PDZRN4: variants seen among roughly 807,000 people sequenced by gnomAD.
PDZRN4 encodes PDZ domain containing ring finger 4.
PDZRN4 carries 70 observed loss-of-function variants against 99.0 expected under a neutral mutation model. The ratio of observed to expected loss-of-function variants is 0.71; its 90% CI spans 0.58 to 0.86. The LOEUF is 0.86. Ranked by LOEUF, PDZRN4 falls within the 40% of genes least tolerant of loss-of-function variation. The pLI is 0.00. For synonymous variants in PDZRN4, 551 were observed against 501.6 expected (o/e 1.10, Z -1.32); for missense variants, 1,474 against 1,331.2 (o/e 1.11, Z -1.67).
intron 5 of PDZRN4, among the ~76,000 whole-genome samples, chr12:41,530,184 A>G (rs1938637700): frequency 6.6e-6 from 1 of 152,226 alleles, no homozygotes; most frequent in South Asian, 2.1e-4. Flanking sequence ...AATGCCGTCT[A>G]CCCAACGCTC....
intron 3 of PDZRN4, among the ~76,000 whole-genome samples, chr12:41,279,116 C>T (rs961517106): frequency 6.6e-6 from 1 of 152,106 alleles, no homozygotes; most frequent in East Asian, 1.9e-4. Context: ...ACGCAGGGTT[C>T]GGGTATACAG....
rs545361165 is a variant in PDZRN4, at chr12:41,269,972, C to T, written c.843+75784C>T. On this transcript the variant is annotated intron_variant, in intron 3 of 9. Transcript: ENST00000402685. ...CCATATAAGATGAAATGTCTCTCCC[C>T]CTACCTCTCTCTTTTGCTTTGTCTG... 5.3e-4 allele frequency among the ~76,000 whole-genome samples: 81 copies of T among 152,200 alleles called. 2 individuals are homozygous for T. The Middle Eastern group carries it at 0.017, about 32-fold the overall frequency.
At chr12:41,333,847 T>G (rs1288151160) in intron 3 of PDZRN4, among the ~76,000 whole-genome samples, 1 of 152,134 alleles carries the variant, frequency 6.6e-6, no homozygotes, top group Non-Finnish European at 1.5e-5. Flanking sequence ...TTTATCTGAG[T>G]TTCAGAGTTC....
rs1951289716 is a variant in PDZRN4, at chr12:41,267,932, A to G, written c.843+73744A>G. ...CCTTTCACTAAAGAAAAAGAATCCT[A>G]ACAAAGGCACCTGTTACTAAGGCTG... is the stretch of plus-strand genomic sequence containing the variant. On this transcript the variant is annotated intron_variant, in intron 3 of 9. Coordinates refer to ENST00000402685, the MANE Select transcript of PDZRN4 (RefSeq NM_001164595.2). 5.9e-5 allele frequency among the ~76,000 whole-genome samples: 9 copies of G among 152,172 alleles called. No homozygotes were observed. In the South Asian group the frequency reaches 1.9e-3, roughly 31 times the overall value.
At chr12:41,278,197 C>CCA (rs1951362046) in intron 3 of PDZRN4, among the ~76,000 whole-genome samples, 2 of 152,106 alleles carry the variant, frequency 1.3e-5, no homozygotes, top group Non-Finnish European at 2.9e-5. Context: ...AAAGAGGAGG[C>CCA]TTTTTATAAG....
intron 3 of PDZRN4, among the ~76,000 whole-genome samples, chr12:41,500,880 C>T (rs1003560312): frequency 2.6e-5 from 4 of 152,096 alleles, no homozygotes; most frequent in Non-Finnish European, 5.9e-5. Flanking sequence ...AATATTGTTT[C>T]TTCCTTCTGT....
At chr12:41,275,500 T>C (rs951711981) in intron 3 of PDZRN4, among the ~76,000 whole-genome samples, 3 of 152,056 alleles carry the variant, frequency 2.0e-5, no homozygotes, top group African/African-American at 7.2e-5. Context: ...AATAACAAAC[T>C]TAGAAGAAGT....
At chr12:41,376,204 T>C (rs1052391198) in intron 3 of PDZRN4, among the ~76,000 whole-genome samples, 3 of 152,176 alleles carry the variant, frequency 2.0e-5, no homozygotes, top group Non-Finnish European at 4.4e-5. Flanking sequence ...GCTGGTATCT[T>C]TTCAACATAC....
chr12:41,531,642 C>T (rs1001775667), intron 5 of PDZRN4, among the ~76,000 whole-genome samples: 3 of 152,056 alleles, frequency 2.0e-5, no homozygotes, highest in African/African-American at 7.2e-5. Context: ...CTAGGGACCA[C>T]CTTCCCTCCC....
At chr12:41,272,114 T>C (rs1951318348) in intron 3 of PDZRN4, among the ~76,000 whole-genome samples, 1 of 152,026 alleles carries the variant, frequency 6.6e-6, no homozygotes, top group Non-Finnish European at 1.5e-5. Context: ...TTTCCTTAAT[T>C]CACATAAACA....
Position 41,194,105 on chromosome 12 carries a change from GAAGGA to G in PDZRN4, c.762_766del (p.Glu254AspfsTer13). ...GAATAATCAGGAAGGAACATCGACT[GAAGGA>G]ATTTACGTTTCAAAAATTTTAGAAA... On this transcript the variant is annotated frameshift_variant, in exon 3 of 10. Coordinates refer to ENST00000402685, the MANE Select transcript of PDZRN4 (RefSeq NM_001164595.2). LOFTEE classifies it high-confidence loss of function. 6.5e-7 allele frequency: 1 copy of G among 1,536,202 alleles called. No individual in the cohort carries two copies. The highest frequency in any genetic ancestry group is 8.9e-7 in the Non-Finnish European group (1 of 1,122,146).
At chr12:41,207,174 G>C (rs17129114) in intron 3 of PDZRN4, among the ~76,000 whole-genome samples, 2,332 of 151,820 alleles carry the variant, frequency 0.015, 63 homozygotes, top group African/African-American at 0.054. Flanking sequence ...TTGTAACACA[G>C]AACTTTATAA....
At chr12:41,344,083 T>C (rs189381342) in intron 3 of PDZRN4, among the ~76,000 whole-genome samples, 14 of 152,224 alleles carry the variant, frequency 9.2e-5, no homozygotes, top group African/African-American at 2.9e-4. Context: ...TTTCTTCATG[T>C]TAAAGCAGCT....
intron 3 of PDZRN4, among the ~76,000 whole-genome samples, chr12:41,434,033 T>G (rs1268997531): frequency 6.6e-6 from 1 of 152,206 alleles, no homozygotes; most frequent in Non-Finnish European, 1.5e-5. Flanking sequence ...CCATCCTGAC[T>G]TTTTTGGTAA....
intron 3 of PDZRN4, among the ~76,000 whole-genome samples, chr12:41,457,607 A>G (rs1308520735): frequency 6.6e-6 from 1 of 152,202 alleles, no homozygotes; most frequent in Non-Finnish European, 1.5e-5. Context: ...TCATGTGGTT[A>G]TACCTACATT....
At position 41,573,890 on chromosome 12, in the gene PDZRN4, A is replaced by T. The variant is rs1399728148; in HGVS notation, c.3111A>T (p.Ter1037CysextTer9). The T allele has an allele frequency of 6.5e-7, 1 of 1,541,970 alleles. No homozygotes were observed. Among genetic ancestry groups the T allele is most frequent in the African/African-American group, 1.4e-5 (1 of 72,352 alleles). ...HNAFLSVTTV[*>C] ...CCTTCTTGTCGGTGACCACTGTATG[A>T]CCGAATGAATGGAATGCATGCGACT... is the stretch of plus-strand genomic sequence containing the variant. Residue 1037 changes from the stop codon to cysteine, a stop_lost, in exon 10 of 10, where the codon TGA becomes TGT. Coordinates refer to ENST00000402685, the MANE Select transcript of PDZRN4 (RefSeq NM_001164595.2).
intron 3 of PDZRN4, among the ~76,000 whole-genome samples, chr12:41,361,007 T>C (rs1951960569): frequency 1.3e-5 from 2 of 151,866 alleles, no homozygotes; most frequent in South Asian, 2.1e-4. Context: ...TGTACATACA[T>C]GCATATGCAA....
At chr12:41,322,296 G>T (rs1350704758) in intron 3 of PDZRN4, among the ~76,000 whole-genome samples, 1 of 151,816 alleles carries the variant, frequency 6.6e-6, no homozygotes, top group Non-Finnish European at 1.5e-5. Flanking sequence ...CAAATGCTTG[G>T]ATTATAGGCT....
At chr12:41,459,820 A>G (rs1023362677) in intron 3 of PDZRN4, 4 of 543,956 alleles carry the variant, frequency 7.4e-6, no homozygotes, top group African/African-American at 2.0e-5. Context: ...ATAGCCCTGC[A>G]TCATGTACAT....
Sources: gnomAD v4.1 joint callset for allele counts (sites outside exome capture counted in the v4.1 genomes callset) on GRCh38, gnomAD v4.1.1 for gene constraint, MANE v1.5 for transcripts, NCBI Gene and HGNC (gene_info 2026-07-23, HGNC 2026-07-21) for gene names.